The following DSG4 variants were observed in gnomAD, a reference collection of about 807,000 sequenced individuals.
DSG4 encodes desmoglein 4, also known as desmoglein-4.
DSG4 carries 87 observed loss-of-function variants against 93.1 expected under a neutral mutation model. The ratio of observed to expected loss-of-function variants is 0.93; its 90% CI spans 0.79 to 1.12. DSG4 has a LOEUF of 1.12. Ranked by LOEUF, DSG4 falls within the 50% of genes most tolerant of loss-of-function variation. The pLI, the probability that DSG4 is intolerant of heterozygous loss-of-function variation, is 0.00. For synonymous variants in DSG4, 432 were observed against 452.9 expected (o/e 0.95, Z 0.59); for missense variants, 1,373 against 1,285.7 (o/e 1.07, Z -1.04).
Position 31,404,883 on chromosome 18 carries a change from G to GA in DSG4, c.1637-1188dup, listed in dbSNP as rs566858492. Among the ~76,000 whole-genome samples the GA allele has an allele frequency of 4.5e-3, 679 of 152,066 alleles. 8 individuals are homozygous for GA. Among genetic ancestry groups the GA allele is most frequent in the African/African-American group, 0.015 (627 of 41,490 alleles). ...CTAGATATTATGATTACACATGTAAGAAAAAATGTTCTGCATGGAGGTATA... is the reference window on the plus strand; with the variant it reads ...CTAGATATTATGATTACACATGTAAGAAAAAAATGTTCTGCATGGAGGTATA... On this transcript the variant is annotated intron_variant, in intron 11 of 15. Transcript: ENST00000308128.
At chr18:31,410,336 A>G (rs930406419) in intron 14 of DSG4, among the ~76,000 whole-genome samples, 2 of 150,432 alleles carry the variant, frequency 1.3e-5, no homozygotes, top group Non-Finnish European at 3.0e-5. Context: ...TACATATTAC[A>G]TATGTAATAT....
chr18:31,386,884 A>C, intron 3 of DSG4, 65 bp downstream of exon 3: 4 of 1,605,366 alleles, frequency 2.5e-6, no homozygotes, highest in East Asian at 2.2e-5. Context: ...AAATATCTCC[A>C]AGATTTGCAG....
At chr18:31,388,619 A>C in intron 4 of DSG4, 97 bp downstream of exon 4, 1 of 1,515,808 alleles carries the variant, frequency 6.6e-7, no homozygotes. Flanking sequence ...TTGATAAAAC[A>C]TGGCAGACTG....
chr18:31,388,587 A>T (rs2072214805), intron 4 of DSG4, 65 bp downstream of exon 4: 3 of 1,587,260 alleles, frequency 1.9e-6, no homozygotes, highest in Middle Eastern at 1.7e-4. Context: ...AAAAAATATT[A>T]TCTTAAGATA....
intron 7 of DSG4, 54 bp downstream of exon 7, chr18:31,391,266 A>G (rs192421503): frequency 8.7e-6 from 14 of 1,607,250 alleles, no homozygotes; most frequent in South Asian, 1.1e-5. Context: ...ATCAATTTGC[A>G]TAAGTGTCAA....
intron 12 of DSG4, among the ~76,000 whole-genome samples, chr18:31,408,281 T>C (rs966038995): frequency 4.6e-5 from 7 of 152,210 alleles, no homozygotes; most frequent in African/African-American, 1.7e-4. Context: ...CTTCATTTCA[T>C]TTATTAGATA....
chr18:31,396,516 G>A (rs1046148748), intron 8 of DSG4, among the ~76,000 whole-genome samples: 6 of 151,738 alleles, frequency 4.0e-5, no homozygotes, highest in Non-Finnish European at 7.4e-5. Context: ...CACCACACCC[G>A]GCTAATGTTT....
At chr18:31,386,153 T>G (rs1346484963) in intron 2 of DSG4, among the ~76,000 whole-genome samples, 1 of 152,106 alleles carries the variant, frequency 6.6e-6, no homozygotes, top group Non-Finnish European at 1.5e-5. Flanking sequence ...TAATAATATG[T>G]TTCTAATTCT....
rs1389217960 is a variant in DSG4, at chr18:31,414,148, G to A, written c.*553G>A. 6.6e-6 allele frequency: 1 copy of A among 152,268 alleles called. No individual in the cohort carries two copies. Among genetic ancestry groups the A allele is most frequent in the South Asian group, 2.1e-4 (1 of 4,826 alleles). The allele number at this position is 152,268 out of a possible 1,614,324, so 9.4% of individuals were successfully genotyped here. ...ATTTTTCAATATTATGCGCTATTAAGCAATAGGAGATGCTTAATATAATAA... is the reference window on the plus strand; with the variant it reads ...ATTTTTCAATATTATGCGCTATTAAACAATAGGAGATGCTTAATATAATAA... On this transcript the variant is annotated 3_prime_UTR_variant, in exon 16 of 16. Coordinates refer to ENST00000308128, the MANE Select transcript of DSG4 (RefSeq NM_177986.5).
intron 8 of DSG4, among the ~76,000 whole-genome samples, chr18:31,397,996 C>T (rs1490582355): frequency 1.4e-5 from 2 of 143,810 alleles, no homozygotes; most frequent in African/African-American, 5.2e-5. Flanking sequence ...CACTGCACTC[C>T]AGCCTGAGCG....
At chr18:31,391,301 C>T in intron 7 of DSG4, 89 bp downstream of exon 7, 1 of 1,572,602 alleles carries the variant, frequency 6.4e-7, no homozygotes, top group Non-Finnish European at 8.7e-7. Context: ...GGCTCATGAG[C>T]CTGGTTCTGT....
intron 2 of DSG4, 151 bp from the exon 3 acceptor site, chr18:31,386,537 T>C (rs1568062004): frequency 2.7e-6 from 3 of 1,113,232 alleles, no homozygotes; most frequent in Non-Finnish European, 3.9e-6. Context: ...GCTATCTATC[T>C]ATCCAGAGTT....
intron 4 of DSG4, 78 bp downstream of exon 4, chr18:31,388,600 G>A: frequency 2.6e-6 from 4 of 1,539,888 alleles, no homozygotes; most frequent in Non-Finnish European, 3.6e-6. Flanking sequence ...TTAAGATAAT[G>A]GATTACTTTT....
At chr18:31,409,047 T>C (rs2072456640) in intron 12 of DSG4, among the ~76,000 whole-genome samples, 2 of 152,176 alleles carry the variant, frequency 1.3e-5, no homozygotes, top group Non-Finnish European at 2.9e-5. Flanking sequence ...TGAAGATAGG[T>C]CCTATCTCCA....
At chr18:31,386,994 G>C (rs1349244217) in intron 3 of DSG4, among the ~76,000 whole-genome samples, 175 bp downstream of exon 3, 3 of 152,140 alleles carry the variant, frequency 2.0e-5, no homozygotes, top group African/African-American at 7.2e-5. Flanking sequence ...GGCTGACGTG[G>C]GGCAGGCAGT....
rs2072240297 is a variant in DSG4 at position 31,390,829 on chromosome 18, C to G, written c.684+7C>G. ...CAGTTTCTTGGACAGAGAGGTAAAG[C>G]CTTCTGTGAATGAACAAGAACTAAA... On this transcript the variant is annotated splice_region_variant and intron_variant, in intron 6 of 15. Transcript: ENST00000308128. The G allele has an allele frequency of 2.5e-6, 4 of 1,612,862 alleles. No homozygotes were observed. Among genetic ancestry groups the G allele is most frequent in the Non-Finnish European group, 2.5e-6 (3 of 1,179,402 alleles).
intron 5 of DSG4, 89 bp from the exon 6 acceptor site, chr18:31,390,567 G>A: frequency 6.6e-7 from 1 of 1,503,984 alleles, no homozygotes; most frequent in Non-Finnish European, 9.2e-7. Flanking sequence ...TTCAGGAGAA[G>A]GCCAACCACT....
At chr18:31,407,505 C>T (rs2144211795) in intron 12 of DSG4, among the ~76,000 whole-genome samples, 1 of 152,310 alleles carries the variant, frequency 6.6e-6, no homozygotes, top group South Asian at 2.1e-4. Context: ...AGGAAGAATA[C>T]TTCATACATT....
At position 31,412,838 on chromosome 18, in the gene DSG4, C is replaced by T. The variant is rs144490546; in HGVS notation, c.2366C>T (p.Ala789Val). ...LDSYFSEKAYAYADEDEGRPA... is the reference protein window; with the variant it reads ...LDSYFSEKAYVYADEDEGRPA... ...TCCTTTTAATTTTAGAAAGCGTATG[C>T]TTATGCAGATGAAGATGAAGGTCGA... The change falls in exon 16 of 16, where the codon GCT becomes GTT. Residue 789 changes from alanine (A) to valine (V), a missense_variant. Transcript: ENST00000308128. 3.7e-4 allele frequency: 595 copies of T among 1,614,112 alleles called. 2 individuals carry two copies. The African/African-American group carries it at 6.2e-3, about 17-fold the overall frequency.
Sources: gnomAD v4.1 joint callset for allele counts (sites outside exome capture counted in the v4.1 genomes callset) on GRCh38, gnomAD v4.1.1 for gene constraint, MANE v1.5 for transcripts, NCBI Gene and HGNC (gene_info 2026-07-23, HGNC 2026-07-21) for gene names.